Variants in DAB2IP observed in about 807,000 individuals in gnomAD.
DAB2IP encodes DAB2 interacting protein, also known as disabled homolog 2-interacting protein.
In DAB2IP, 28 loss-of-function variants were observed where a neutral mutation model predicts 107.2. The observed-to-expected ratio is 0.26, with a 90% confidence interval of 0.19 to 0.36. The LOEUF (loss-of-function observed/expected upper bound fraction) is 0.36. DAB2IP is among the 10% of genes least tolerant of loss of function. The pLI, the probability that DAB2IP is intolerant of heterozygous loss-of-function variation, is 1.00. For missense variants in DAB2IP, 1,400 were observed against 1,644.7 expected, an observed-to-expected ratio of 0.85 and a Z score of 2.57; for synonymous variants, 755 against 706.4, an observed-to-expected ratio of 1.07 and a Z score of -1.09.
In DAB2IP at chr9:121,766,467, A is replaced by T. The variant is rs377760698; in HGVS notation, c.1461-27A>T. 24 of 1,593,924 alleles carry T rather than the reference A, an allele frequency of 1.5e-5. No homozygotes were observed. In the African/African-American group the frequency reaches 2.9e-4, roughly 20 times the overall value. The stretch of plus-strand genomic sequence containing the variant: ...GTCCTGGGCCCCTGCCTGACAGCCA[A>T]GCCCACCTTTGTCTGTCCCTACACA... On this transcript the variant is annotated intron_variant, in intron 8 of 15. Transcript: ENST00000408936.
rs761453153 is a variant in DAB2IP, at chr9:121,770,588, G to T, written c.1942G>T (p.Asp648Tyr). 8.1e-6 allele frequency: 13 copies of T among 1,614,128 alleles called. No individual in the cohort carries two copies. In the South Asian group the frequency reaches 1.2e-4, roughly 15 times the overall value. The change falls in exon 11 of 16, where the codon GAC becomes TAC. Residue 648 changes from aspartate (D) to tyrosine (Y), a missense_variant. Physicochemically the swap from Asp to Tyr is radical, Grantham distance 160 (BLOSUM62 -3). Coordinates refer to ENST00000408936, the Ensembl canonical transcript of DAB2IP. ...GGGACCCCTGCCTCGGATCCTGAGG[G>T]ACGTCCACACAGCACTGAGCACCCC...
Position 121,699,883 on chromosome 9 carries a change from C to G in DAB2IP, c.362+425C>G, listed in dbSNP as rs990463776. Among the ~76,000 whole-genome samples the G allele has an allele frequency of 2.0e-5, 3 of 152,208 alleles. No individual in the cohort carries two copies. The highest frequency in any genetic ancestry group is 2.9e-5 in the Non-Finnish European group (2 of 68,030). On this transcript the variant is annotated intron_variant, in intron 3 of 15. Transcript: ENST00000408936. The surrounding 1 kb of genome is among the most constrained non-coding windows in gnomAD (Gnocchi z 6.2). ...ATCAGATACAAAAGGCATTTTCGGC[C>G]GGGTTTGGCCGAGACCGGGCGCTGC...
At chr9:121,781,527 C>T (rs373962032) in exon 15 of DAB2IP, 14 of 1,613,878 alleles carry the variant, frequency 8.7e-6, no homozygotes, top group Non-Finnish European at 1.2e-5. Flanking sequence ...CTGTGGACTC[C>T]AAACAGAAGA....
At chr9:121,730,860 G>C (rs1053427905) in intron 3 of DAB2IP, among the ~76,000 whole-genome samples, 2 of 152,232 alleles carry the variant, frequency 1.3e-5, no homozygotes, top group African/African-American at 4.8e-5. Context: ...ATGGGTTGCA[G>C]TGTACATGCC....
chr9:121,726,880 C>A (rs1831263435), intron 3 of DAB2IP, among the ~76,000 whole-genome samples: 1 of 152,146 alleles, frequency 6.6e-6, no homozygotes, highest in African/African-American at 2.4e-5. Context: ...CTTTCCCCAC[C>A]CTACTCCCTC....
chr9:121,591,614 C>A (rs924596827), intron 1 of DAB2IP, among the ~76,000 whole-genome samples: 1 of 152,164 alleles, frequency 6.6e-6, no homozygotes, highest in African/African-American at 2.4e-5. Context: ...CTTTGAAAAC[C>A]TAATGAGGAG....
chr9:121,658,283 A>T (rs1001880273), intron 1 of DAB2IP, among the ~76,000 whole-genome samples: 1 of 152,224 alleles, frequency 6.6e-6, no homozygotes, highest in African/African-American at 2.4e-5. Context: ...AATGTCAGGA[A>T]AGGGAGAGTA....
chr9:121,764,089 T>C (rs1834089606), intron 8 of DAB2IP, among the ~76,000 whole-genome samples: 1 of 152,262 alleles, frequency 6.6e-6, no homozygotes, highest in African/African-American at 2.4e-5. Flanking sequence ...CACGCCAGTC[T>C]GCCGTCTCTG....
intron 6 of DAB2IP, among the ~76,000 whole-genome samples, chr9:121,761,194 G>T (rs1833863482): frequency 6.6e-6 from 1 of 152,242 alleles, no homozygotes; most frequent in Admixed American, 6.5e-5. Flanking sequence ...CCCTAGGAAG[G>T]CAGTAGAGCA....
chr9:121,642,015 C>T (rs1324897974), intron 1 of DAB2IP, among the ~76,000 whole-genome samples: 840 of 27,670 alleles, frequency 0.03, 31 homozygotes, highest in East Asian at 0.085. Context: ...CTCTCTCTCT[C>T]TCTCTCTCTC....
intron 3 of DAB2IP, among the ~76,000 whole-genome samples, chr9:121,707,394 G>A (rs1830111677): frequency 1.3e-5 from 2 of 152,196 alleles, no homozygotes; most frequent in Admixed American, 1.3e-4. Context: ...TGCATCAGAT[G>A]CTCTGCCGAG....
chr9:121,642,699 A>G (rs1318353027), intron 1 of DAB2IP, among the ~76,000 whole-genome samples: 1 of 151,584 alleles, frequency 6.6e-6, no homozygotes, highest in Non-Finnish European at 1.5e-5. Context: ...ATTGAGTGCT[A>G]TTCTATGCAC....
At chr9:121,779,688 C>G (rs1028287856) in intron 14 of DAB2IP, among the ~76,000 whole-genome samples, 1 of 152,228 alleles carries the variant, frequency 6.6e-6, no homozygotes, top group Non-Finnish European at 1.5e-5. Flanking sequence ...ACTGCACTCT[C>G]ACTGGTACAA....
chr9:121,648,539 TG>T (rs1324439976), upstream of DAB2IP, among the ~76,000 whole-genome samples: 2 of 152,022 alleles, frequency 1.3e-5, no homozygotes, highest in Non-Finnish European at 2.9e-5. Context: ...GTGCTGGTGG[TG>T]GGGTTAGGTC....
At chr9:121,738,036 T>TGGAGGTGG (rs1039607466) in intron 3 of DAB2IP, among the ~76,000 whole-genome samples, 1 of 143,220 alleles carries the variant, frequency 7.0e-6, no homozygotes, top group African/African-American at 2.6e-5. Context: ...GCTTCCAACC[T>TGGAGGTGG]GGAGGTGGGG....
chr9:121,766,587 C>T (rs201506332), exon 9 of DAB2IP: 281 of 1,613,908 alleles, frequency 1.7e-4, no homozygotes, highest in Non-Finnish European at 2.2e-4. Flanking sequence ...GGCTCATCAG[C>T]GCCTCCCTCT....
At chr9:121,645,250 A>G (rs369441563) in intron 1 of DAB2IP, among the ~76,000 whole-genome samples, 1 of 152,188 alleles carries the variant, frequency 6.6e-6, no homozygotes, top group East Asian at 1.9e-4. Flanking sequence ...GAGTGGCTCC[A>G]GGCTTGGCCA....
At chr9:121,578,424 C>T (rs1459422011) in intron 1 of DAB2IP, among the ~76,000 whole-genome samples, 1 of 152,002 alleles carries the variant, frequency 6.6e-6, no homozygotes. Context: ...ATGGGGAACA[C>T]AGACTTGGCT....
rs140764411 is a variant in DAB2IP, at chr9:121,617,725, G to C, written c.40+50497G>C. 5.6e-3 allele frequency among the ~76,000 whole-genome samples: 851 copies of C among 152,330 alleles called. 4 individuals carry two copies. The highest frequency in any genetic ancestry group is 0.017 in the African/African-American group (717 of 41,556). ...TACAGATGAGGAAATCGAGGCCCAG[G>C]GTGATTGGTTCACACCATGAGTTAA... is the stretch of plus-strand genomic sequence containing the variant. On this transcript the variant is annotated intron_variant, in intron 1 of 16. Coordinates refer to the DAB2IP transcript ENST00000259371.
Sources: gnomAD v4.1 joint callset for allele counts (sites outside exome capture counted in the v4.1 genomes callset) on GRCh38, gnomAD v4.1.1 for gene constraint, Gnocchi (gnomAD v3.1) non-coding constraint, MANE v1.5 for transcripts, NCBI Gene and HGNC (gene_info 2026-07-23, HGNC 2026-07-21) for gene names.